The following FSTL3 variants were observed in gnomAD, a reference collection of about 807,000 sequenced individuals.
The protein encoded by FSTL3 is follistatin like 3.
FSTL3 carries 21 observed loss-of-function variants against 28.1 expected under a neutral mutation model. That is an observed-to-expected ratio of 0.75 (90% CI 0.53 to 1.08). FSTL3 has a LOEUF of 1.08. Among genes scored for constraint, FSTL3 ranks in the 50% least tolerant of loss-of-function variants. The pLI, the probability that FSTL3 is intolerant of heterozygous loss-of-function variation, is 0.00. For missense variants in FSTL3, 400 were observed against 380.9 expected, an observed-to-expected ratio of 1.05 and a Z score of -0.42; for synonymous variants, 199 against 164.2, an observed-to-expected ratio of 1.21 and a Z score of -1.62.
At chr19:680,249 C>A (rs2031299230) in intron 2 of FSTL3, 25 bp from the exon 3 acceptor site, 2 of 1,326,338 alleles carry the variant, frequency 1.5e-6, no homozygotes, top group Non-Finnish European at 1.9e-6. Flanking sequence ...GCGCCCGGCC[C>A]CACGCGCGTG....
intron 3 of FSTL3, 143 bp from the exon 4 acceptor site, chr19:681,190 G>A (rs1429701041): frequency 1.9e-6 from 1 of 513,150 alleles, no homozygotes; most frequent in Non-Finnish European, 3.3e-6. Context: ...GGAGAGGGGG[G>A]CTCACGGGGG....
At chr19:678,161 T>A in intron 2 of FSTL3, 184 bp downstream of exon 2, 1 of 613,586 alleles carries the variant, frequency 1.6e-6, no homozygotes, top group South Asian at 2.0e-5. Flanking sequence ...CTCCAGCCTC[T>A]TGCAGCTCAG....
Position 680,326 on chromosome 19 carries a change from G to C in FSTL3, c.342G>C (p.Gly114=). 7.8e-7 allele frequency: 1 copy of C among 1,281,658 alleles called. No homozygotes were observed. Among genetic ancestry groups the C allele is most frequent in the Non-Finnish European group, 9.8e-7 (1 of 1,018,856 alleles). The allele number at this position is 1,281,658 out of a possible 1,614,324, so 79.4% of individuals were successfully genotyped here. Residue 114 remains glycine (G), a synonymous_variant, in exon 3 of 5, where the codon GGG becomes GGC. Transcript: ENST00000166139. Reference sequence around the variant, plus strand: ...CGGGCAAGGCGTGCCGCATGCTGGGGGGCCGCCCGCGCTGCGAGTGCGCGC... The same window carrying C: ...CGGGCAAGGCGTGCCGCATGCTGGGCGGCCGCCCGCGCTGCGAGTGCGCGC... The part of the protein sequence containing the change: ...CGPGKACRML[G]GRPRCECAPD...
At chr19:676,551 G>A (rs1471254806) in intron 1 of FSTL3, 25 bp downstream of exon 1, 4 of 839,420 alleles carry the variant, frequency 4.8e-6, no homozygotes, top group African/African-American at 1.9e-5. Context: ...CAGAGGGGCG[G>A]GCGGGGCGGG....
At chr19:681,251 T>G in intron 3 of FSTL3, 82 bp from the exon 4 acceptor site, 1 of 990,624 alleles carries the variant, frequency 1.0e-6, no homozygotes, top group Non-Finnish European at 1.5e-6. Context: ...TCTTGGGGGT[T>G]AAGGGTGGGT....
Position 682,679 on chromosome 19 carries a change from C to G in FSTL3, c.*971C>G, listed in dbSNP as rs546078084. The G allele has an allele frequency of 3.4e-5, 8 of 233,366 alleles. No homozygotes were observed. The highest frequency in any genetic ancestry group is 6.8e-5 in the Non-Finnish European group (8 of 118,182). 14.5% of individuals were successfully genotyped at this position (233,366 alleles called of 1,614,324 possible). On this transcript the variant is annotated 3_prime_UTR_variant, in exon 5 of 5. Transcript: ENST00000166139. ...GGCCACAGAACCACCCAGCGTCTCC[C>G]CTGCTGCTGTCCACGTCAGTTCATG...
chr19:677,812 C>G lies in FSTL3; in HGVS notation c.124C>G (p.Gln42Glu). The G allele has an allele frequency of 6.2e-7, 1 of 1,610,512 alleles. No individual in the cohort carries two copies. ...PAPGGVCWLQ[Q>E]GQEATCSLVL... ...CGCAGGTGGTGTTTGCTGGCTCCAG[C>G]AGGGCCAGGAGGCCACCTGCAGCCT... The change falls in exon 2 of 5, where the codon CAG (glutamine) becomes GAG (glutamate). Residue 42 changes from glutamine (Q) to glutamate (E), a missense_variant. Gln to Glu is a conservative substitution (Grantham distance 29, BLOSUM62 2). Transcript: ENST00000166139.
intron 2 of FSTL3, among the ~76,000 whole-genome samples, chr19:678,705 T>C (rs1010689191): frequency 9.9e-5 from 15 of 151,984 alleles, no homozygotes; most frequent in Non-Finnish European, 1.8e-4. Flanking sequence ...GAGACAGGGT[T>C]TCACCACATT....
Position 682,471 on chromosome 19 carries a change from A to T in FSTL3, c.*763A>T, listed in dbSNP as rs764698190. On this transcript the variant is annotated 3_prime_UTR_variant, in exon 5 of 5. Transcript: ENST00000166139. ...GGGGACCTCAGAACACTGTGACCTT[A>T]GCCCAGCAAGCCAGGCCCTTCATGA... 3 of 233,680 alleles carry T rather than the reference A, an allele frequency of 1.3e-5. No homozygotes were observed. Among genetic ancestry groups the T allele is most frequent in the Non-Finnish European group, 2.5e-5 (3 of 118,394 alleles). 14.5% of individuals were successfully genotyped at this position (233,680 alleles called of 1,614,324 possible).
At chr19:676,600 C>A (rs2031214359) in intron 1 of FSTL3, 74 bp downstream of exon 1, 1 of 384,858 alleles carries the variant, frequency 2.6e-6, no homozygotes, top group Non-Finnish European at 3.9e-6. Flanking sequence ...GCCGGGGGGA[C>A]GTCGGGGGGC....
At chr19:680,113 T>C (rs1300007801) in intron 2 of FSTL3, 161 bp from the exon 3 acceptor site, 4 of 305,638 alleles carry the variant, frequency 1.3e-5, no homozygotes, top group East Asian at 5.6e-5. Flanking sequence ...GCCCTGCCCC[T>C]GGGAACCCGA....
rs777105988 is a variant in FSTL3 at position 677,997 on chromosome 19, G to C, written c.289+20G>C. On this transcript the variant is annotated intron_variant, in intron 2 of 4. Coordinates refer to ENST00000166139, the MANE Select transcript of FSTL3 (RefSeq NM_005860.3). Reference sequence around the variant, plus strand: ...GCAAAGGTGAGACCTCAGGCCAGAAGCAGGGCAGACGTCTCAGCTCAGGAC... The same window carrying C: ...GCAAAGGTGAGACCTCAGGCCAGAACCAGGGCAGACGTCTCAGCTCAGGAC... The C allele has an allele frequency of 6.2e-7, 1 of 1,608,292 alleles. No homozygotes were observed. The highest frequency in any genetic ancestry group is 1.1e-5 in the South Asian group (1 of 90,724).
At position 677,862 on chromosome 19, in the gene FSTL3, G is replaced by A. The variant is rs916136442; in HGVS notation, c.174G>A (p.Arg58=). Residue 58 remains arginine (R), a synonymous_variant, in exon 2 of 5, where the codon CGG becomes CGA. Transcript: ENST00000166139. Reference sequence around the variant, plus strand: ...TGGTGCTCCAGACTGATGTCACCCGGGCCGAGTGCTGTGCCTCCGGCAACA... The same window carrying A: ...TGGTGCTCCAGACTGATGTCACCCGAGCCGAGTGCTGTGCCTCCGGCAACA... ...CSLVLQTDVT[R]AECCASGNID... 4 of 1,613,192 alleles carry A rather than the reference G, an allele frequency of 2.5e-6. No homozygotes were observed. Among genetic ancestry groups the A allele is most frequent in the Non-Finnish European group, 3.4e-6 (4 of 1,179,974 alleles).
In FSTL3 at chr19:682,520, C is replaced by A; in HGVS notation, c.*812C>A. 1 of 233,966 alleles carries A rather than the reference C, an allele frequency of 4.3e-6. No homozygotes were observed. The highest frequency in any genetic ancestry group is 8.4e-6 in the Non-Finnish European group (1 of 118,490). 14.5% of individuals were successfully genotyped at this position (233,966 alleles called of 1,614,324 possible). A position where few individuals can be genotyped will look rare whatever the true frequency, so the allele number is the denominator to read the frequency against. Reference sequence around the variant, plus strand: ...GAAGGCCAAGAAGGCTGCCACCATTCCCTGCCAGCCCAAGAACTCCAGCTT... The same window carrying A: ...GAAGGCCAAGAAGGCTGCCACCATTACCTGCCAGCCCAAGAACTCCAGCTT... On this transcript the variant is annotated 3_prime_UTR_variant, in exon 5 of 5. Transcript: ENST00000166139.
At position 681,753 on chromosome 19, in the gene FSTL3, T is replaced by C. The variant is rs1203061000; in HGVS notation, c.*45T>C. 6.8e-7 allele frequency: 1 copy of C among 1,476,672 alleles called. No individual in the cohort carries two copies. The highest frequency in any genetic ancestry group is 2.5e-5 in the East Asian group (1 of 40,552). The allele number at this position is 1,476,672 out of a possible 1,614,324, so 91.5% of individuals were successfully genotyped here. ...GCCTGGTGCCCGAGGCCCCCCATCA[T>C]CCCCTGTTATTTATTGCCACAGCAG... On this transcript the variant is annotated 3_prime_UTR_variant, in exon 5 of 5. Coordinates refer to ENST00000166139, the MANE Select transcript of FSTL3 (RefSeq NM_005860.3).
At position 680,336 on chromosome 19, in the gene FSTL3, C is replaced by T; in HGVS notation, c.352C>T (p.Arg118Cys). Residue 118 changes from arginine (R) to cysteine (C), a missense_variant, in exon 3 of 5, where the codon CGC becomes TGC. Transcript: ENST00000166139. ...KACRMLGGRP[R>C]CECAPDCSGL... ...GTGCCGCATGCTGGGGGGCCGCCCGCGCTGCGAGTGCGCGCCCGACTGCTC... is the reference window on the plus strand; with the variant it reads ...GTGCCGCATGCTGGGGGGCCGCCCGTGCTGCGAGTGCGCGCCCGACTGCTC... 7.8e-7 allele frequency: 1 copy of T among 1,281,708 alleles called. No homozygotes were observed. The highest frequency in any genetic ancestry group is 9.8e-7 in the Non-Finnish European group (1 of 1,019,030). The allele number at this position is 1,281,708 out of a possible 1,614,324, so 79.4% of individuals were successfully genotyped here.
chr19:676,457 C>T lies in FSTL3; in HGVS notation c.34C>T (p.Leu12=). 8.3e-7 allele frequency: 1 copy of T among 1,208,932 alleles called. No homozygotes were observed. The highest frequency in any genetic ancestry group is 3.5e-5 in the South Asian group (1 of 28,278). 74.9% of individuals were successfully genotyped at this position (1,208,932 alleles called of 1,614,324 possible). A position where few individuals can be genotyped will look rare whatever the true frequency, so the allele number is the denominator to read the frequency against. ...RPGAPGPLWP[L]PWGALAWAVG... is the part of the protein sequence containing the mutation. ...CGGGGCGCCAGGGCCACTCTGGCCT[C>T]TGCCCTGGGGGGCCCTGGCTTGGGC... The change falls in exon 1 of 5, where the codon CTG becomes TTG. Residue 12 remains leucine, a synonymous_variant. Transcript: ENST00000166139.
At position 681,482 on chromosome 19, in the gene FSTL3, A is replaced by C. The variant is rs749972809; in HGVS notation, c.655A>C (p.Ile219Leu). The change falls in exon 4 of 5, where the codon ATC becomes CTC. Residue 219 changes from isoleucine to leucine, a missense_variant. Ile to Leu is a conservative substitution (Grantham distance 5). Transcript: ENST00000166139. The part of the protein sequence containing the change: ...ELCGNNNVTY[I>L]SSCHMRQATC... The stretch of plus-strand genomic sequence containing the variant: ...TTGCGGCAACAACAACGTCACCTAC[A>C]TCTCCTCGTGCCACATGCGCCAGGC... 4 of 1,603,060 alleles carry C rather than the reference A, an allele frequency of 2.5e-6. No individual in the cohort carries two copies. The African/African-American group carries it at 4.0e-5, about 16-fold the overall frequency.
At chr19:680,717 T>G (rs1280063330) in intron 3 of FSTL3, 2 of 363,990 alleles carry the variant, frequency 5.5e-6, no homozygotes, top group East Asian at 4.0e-5. Flanking sequence ...GCTGCCGCAG[T>G]GCGTAGGGGC....
Sources: gnomAD v4.1 joint callset for allele counts (sites outside exome capture counted in the v4.1 genomes callset) on GRCh38, gnomAD v4.1.1 for gene constraint, MANE v1.5 for transcripts, NCBI Gene and HGNC (gene_info 2026-07-23, HGNC 2026-07-21) for gene names.